Variants in RSPO2 observed in about 807,000 individuals in gnomAD.
RSPO2 encodes the protein R-spondin-2.
In RSPO2, 14 loss-of-function variants were observed where a neutral mutation model predicts 30.9. The ratio of observed to expected loss-of-function variants is 0.45; its 90% confidence interval spans 0.30 to 0.71. RSPO2 has a LOEUF of 0.71. Ranked by LOEUF, RSPO2 falls within the 30% of genes least tolerant of loss-of-function variation. The probability of loss-of-function intolerance (pLI) is 0.08; values close to 1 mark genes in which losing one functional copy is unlikely to be tolerated. For synonymous variants in RSPO2, 107 were observed against 96.4 expected (o/e 1.11, Z -0.64); for missense variants, 264 against 301.9 (o/e 0.87, Z 0.93).
At chr8:107,980,536 A>G (rs1814390244) in intron 3 of RSPO2, among the ~76,000 whole-genome samples, 1 of 152,206 alleles carries the variant, frequency 6.6e-6, no homozygotes, top group African/African-American at 2.4e-5. Flanking sequence ...TAACTCTAAT[A>G]CATGATTTAG....
At chr8:107,971,236 A>G (rs1388435385) in intron 3 of RSPO2, among the ~76,000 whole-genome samples, 1 of 152,220 alleles carries the variant, frequency 6.6e-6, no homozygotes, top group Non-Finnish European at 1.5e-5. Context: ...ACAAGAAACA[A>G]ATGTAAGCTT....
At chr8:108,068,571 T>A (rs1324004018) in intron 2 of RSPO2, among the ~76,000 whole-genome samples, 1 of 152,212 alleles carries the variant, frequency 6.6e-6, no homozygotes, top group Admixed American at 6.5e-5. Context: ...AAAGAAGATA[T>A]GTTGAAGTCC....
At chr8:108,056,824 G>A (rs1812262963) in intron 2 of RSPO2, among the ~76,000 whole-genome samples, 1 of 151,046 alleles carries the variant, frequency 6.6e-6, no homozygotes, top group Non-Finnish European at 1.5e-5. Context: ...GGGAGGCCAA[G>A]GGGGGTGGAT....
chr8:108,061,641 A>G (rs1319891696), intron 2 of RSPO2, among the ~76,000 whole-genome samples: 2 of 151,906 alleles, frequency 1.3e-5, no homozygotes, highest in Non-Finnish European at 2.9e-5. Flanking sequence ...CAGAAAGTTA[A>G]CAAGGATATC....
intron 5 of RSPO2, among the ~76,000 whole-genome samples, chr8:107,951,083 T>G (rs1389474918): frequency 1.3e-5 from 2 of 149,942 alleles, no homozygotes; most frequent in South Asian, 2.1e-4. Context: ...TGTTGTTGTT[T>G]TTGAGAAGGA....
At chr8:107,983,231 C>T (rs1019776089) in intron 3 of RSPO2, 117 of 1,576,510 alleles carry the variant, frequency 7.4e-5, no homozygotes, top group South Asian at 1.7e-4. Context: ...AAGGCTGCAG[C>T]GTATCTTTCT....
intron 5 of RSPO2, among the ~76,000 whole-genome samples, chr8:107,937,543 TC>T (rs2130364691): frequency 6.6e-6 from 1 of 152,062 alleles, no homozygotes; most frequent in African/African-American, 2.4e-5. Context: ...GCATTTTTTT[TC>T]CTCTCTGTAC....
At chr8:108,000,657 G>A (rs1815211430) in intron 2 of RSPO2, among the ~76,000 whole-genome samples, 1 of 151,988 alleles carries the variant, frequency 6.6e-6, no homozygotes, top group African/African-American at 2.4e-5. Context: ...CAGTCAGAGT[G>A]AGAAGCTCAA....
chr8:107,983,466 G>A (rs1814519580), intron 3 of RSPO2: 1 of 1,598,274 alleles, frequency 6.3e-7, no homozygotes, highest in African/African-American at 1.3e-5. Context: ...CCCTTTCTCA[G>A]AAGTACAGCC....
chr8:108,050,367 G>C (rs960323985), intron 2 of RSPO2, among the ~76,000 whole-genome samples: 4 of 152,060 alleles, frequency 2.6e-5, no homozygotes, highest in Non-Finnish European at 4.4e-5. Context: ...TGAGATTTAT[G>C]ATTTTGAATA....
intron 5 of RSPO2, among the ~76,000 whole-genome samples, chr8:107,912,606 G>A (rs1418712893): frequency 6.6e-6 from 1 of 152,168 alleles, no homozygotes; most frequent in African/African-American, 2.4e-5. Flanking sequence ...TCATGAACAG[G>A]TTCTTTTTAA....
chr8:107,958,271 A>G lies in RSPO2; in HGVS notation c.428-3T>C, dbSNP rs1432225775. 1 of 1,603,942 alleles carries G rather than the reference A, an allele frequency of 6.2e-7. No individual in the cohort carries two copies. ...CCAATGACCAACTTCACATCCTTCT[A>G]GTAAAGATTTTTAGAAAAAGAAAAA... On this transcript the variant is annotated splice_region_variant and splice_polypyrimidine_tract_variant and intron_variant, in intron 4 of 5. Transcript: ENST00000276659.
intron 2 of RSPO2, among the ~76,000 whole-genome samples, chr8:108,067,601 C>T (rs543607015): frequency 6.6e-6 from 1 of 152,264 alleles, no homozygotes; most frequent in African/African-American, 2.4e-5. Context: ...CTTACTAGCC[C>T]TTTATATGCA....
At chr8:108,037,000 G>A (rs1811619390) in intron 2 of RSPO2, among the ~76,000 whole-genome samples, 1 of 152,036 alleles carries the variant, frequency 6.6e-6, no homozygotes, top group South Asian at 2.1e-4. Flanking sequence ...CTCTCCTCAG[G>A]CCTCCCTATG....
At chr8:108,028,954 A>G (rs1171828504) in intron 2 of RSPO2, among the ~76,000 whole-genome samples, 1 of 70,914 alleles carries the variant, frequency 1.4e-5, no homozygotes, top group East Asian at 2.3e-4. Flanking sequence ...AAATATAAAT[A>G]TCTAATTTTT....
At chr8:107,956,447 T>C (rs1478230805) in intron 5 of RSPO2, among the ~76,000 whole-genome samples, 2 of 152,220 alleles carry the variant, frequency 1.3e-5, no homozygotes, top group Non-Finnish European at 2.9e-5. Context: ...TAACTTAAAT[T>C]GCTGACAGTA....
chr8:108,047,961 CTATTCTT>C (rs1811956958), intron 2 of RSPO2, among the ~76,000 whole-genome samples: 1 of 151,768 alleles, frequency 6.6e-6, no homozygotes, highest in African/African-American at 2.4e-5. Context: ...TAATTTTTCT[CTATTCTT>C]TAGAGAACAA....
intron 2 of RSPO2, among the ~76,000 whole-genome samples, chr8:108,061,969 G>A (rs1812483366): frequency 1.3e-5 from 2 of 151,824 alleles, no homozygotes; most frequent in Non-Finnish European, 2.9e-5. Context: ...CAGAAATAAA[G>A]ATGTTCTTTG....
At chr8:107,940,686 G>A (rs1340587712) in intron 5 of RSPO2, among the ~76,000 whole-genome samples, 1 of 152,082 alleles carries the variant, frequency 6.6e-6, no homozygotes, top group African/African-American at 2.4e-5. Flanking sequence ...GTAGATTCAA[G>A]TCCTCAAAAA....
Sources: allele counts gnomAD v4.1 joint callset (sites outside exome capture counted in the v4.1 genomes callset), GRCh38; gene constraint gnomAD v4.1.1; transcripts MANE v1.5; gene names NCBI Gene and HGNC (gene_info 2026-07-23, HGNC 2026-07-21).